Variants in HHLA2 observed in about 807,000 individuals in gnomAD.
The protein encoded by HHLA2 is HHLA2 member of B7 family.
HHLA2 carries 48 observed loss-of-function variants against 45.9 expected under a neutral mutation model. The observed-to-expected ratio is 1.05, with a 90% CI of 0.83 to 1.33. The LOEUF is 1.33. HHLA2 is among the 40% of genes most tolerant of loss of function. HHLA2 has a pLI of 0.00. For synonymous variants in HHLA2, 161 were observed against 173.9 expected, an observed-to-expected ratio of 0.93 and a Z score of 0.59; for missense variants, 462 against 494.3, an observed-to-expected ratio of 0.93 and a Z score of 0.62.
chr3:108,329,945 G>A (rs928729774), intron 3 of HHLA2, among the ~76,000 whole-genome samples: 12 of 152,084 alleles, frequency 7.9e-5, no homozygotes, highest in African/African-American at 2.9e-4. Flanking sequence ...TCTGACTCAG[G>A]GTCTTTAATG....
At chr3:108,320,814 C>T (rs576137878) in intron 2 of HHLA2, among the ~76,000 whole-genome samples, 12 of 151,972 alleles carry the variant, frequency 7.9e-5, no homozygotes, top group Non-Finnish European at 1.6e-4. Flanking sequence ...CCATGAAGCT[C>T]ACCACAGTCC....
intron 2 of HHLA2, among the ~76,000 whole-genome samples, chr3:108,317,755 A>G (rs1323401338): frequency 6.6e-6 from 1 of 151,834 alleles, no homozygotes; most frequent in Admixed American, 6.6e-5. Context: ...TTGTATTTTT[A>G]GTAGAGACAA....
chr3:108,311,777 C>T (rs2081022017), intron 2 of HHLA2: 2 of 152,036 alleles, frequency 1.3e-5, no homozygotes, highest in Admixed American at 6.6e-5. Context: ...TGTCTATGTC[C>T]CCAAACTAGT....
intron 2 of HHLA2, among the ~76,000 whole-genome samples, chr3:108,320,819 C>T (rs1234899428): frequency 6.6e-6 from 1 of 152,068 alleles, no homozygotes; most frequent in Non-Finnish European, 1.5e-5. Context: ...AAGCTCACCA[C>T]AGTCCATACA....
At chr3:108,354,556 T>C (rs2081849090) in intron 5 of HHLA2, among the ~76,000 whole-genome samples, 1 of 152,030 alleles carries the variant, frequency 6.6e-6, no homozygotes, top group South Asian at 2.1e-4. Context: ...TTATATGCAA[T>C]ATAGTTAGTA....
At chr3:108,342,017 C>T (rs189037005) in intron 3 of HHLA2, among the ~76,000 whole-genome samples, 50 of 152,272 alleles carry the variant, frequency 3.3e-4, no homozygotes, top group Admixed American at 2.6e-4. Context: ...CATCCCAAGC[C>T]GGACATGCTC....
chr3:108,325,748 C>T (rs970617499), intron 2 of HHLA2: 2 of 254,048 alleles, frequency 7.9e-6, no homozygotes, highest in African/African-American at 2.3e-5. Flanking sequence ...GCCACCATAT[C>T]TACGATCACC....
At chr3:108,367,157 T>A (rs2082078621) in intron 8 of HHLA2, among the ~76,000 whole-genome samples, 1 of 151,994 alleles carries the variant, frequency 6.6e-6, no homozygotes, top group Admixed American at 6.6e-5. Flanking sequence ...AGCAGTAACA[T>A]CAACATCAAC....
chr3:108,312,247 G>A (rs1471093), intron 2 of HHLA2, among the ~76,000 whole-genome samples: 85,313 of 152,118 alleles, frequency 0.56, 24,528 homozygotes, highest in Middle Eastern at 0.66. Flanking sequence ...GCTAATTTCT[G>A]GATTGCCTCA....
chr3:108,319,438 C>G (rs1360610053), intron 2 of HHLA2, among the ~76,000 whole-genome samples: 1 of 152,188 alleles, frequency 6.6e-6, no homozygotes, highest in African/African-American at 2.4e-5. Flanking sequence ...AGCTCCTTCT[C>G]CTTGTCCTTC....
At chr3:108,316,184 C>G (rs770941940) in intron 2 of HHLA2, among the ~76,000 whole-genome samples, 10 of 151,796 alleles carry the variant, frequency 6.6e-5, no homozygotes, top group Non-Finnish European at 1.0e-4. Flanking sequence ...AATCCTGTGT[C>G]TAAGATTCTT....
chr3:108,360,422 G>A (rs1483770830), intron 7 of HHLA2, among the ~76,000 whole-genome samples: 1 of 152,122 alleles, frequency 6.6e-6, no homozygotes, highest in South Asian at 2.1e-4. Context: ...TTTTTCATAA[G>A]TCAAGGGCTT....
At chr3:108,350,180 A>G (rs1445127032) in intron 3 of HHLA2, among the ~76,000 whole-genome samples, 2 of 152,212 alleles carry the variant, frequency 1.3e-5, no homozygotes, top group Admixed American at 6.5e-5. Context: ...AGGAAGAAAT[A>G]TAAAGGTCTC....
At chr3:108,320,604 A>AGT (rs932085869) in intron 2 of HHLA2, among the ~76,000 whole-genome samples, 3 of 152,078 alleles carry the variant, frequency 2.0e-5, no homozygotes, top group Admixed American at 6.6e-5. Flanking sequence ...TAAATGATAG[A>AGT]GTGTGTGTGT....
At chr3:108,349,689 A>G (rs1003336789) in intron 3 of HHLA2, among the ~76,000 whole-genome samples, 1 of 152,222 alleles carries the variant, frequency 6.6e-6, no homozygotes, top group African/African-American at 2.4e-5. Context: ...TGCAGAGTAC[A>G]GTGAAGGGTT....
At chr3:108,345,204 A>G (rs1026292295) in intron 3 of HHLA2, among the ~76,000 whole-genome samples, 1 of 152,224 alleles carries the variant, frequency 6.6e-6, no homozygotes, top group Admixed American at 6.5e-5. Flanking sequence ...CCTGAACCCA[A>G]GGGAGCTCTG....
At chr3:108,367,460 T>C (rs182917552) in intron 8 of HHLA2, among the ~76,000 whole-genome samples, 1 of 152,028 alleles carries the variant, frequency 6.6e-6, no homozygotes, top group African/African-American at 2.4e-5. Flanking sequence ...AGAACCTTGA[T>C]AAAAGGTTAC....
At chr3:108,341,539 T>C (rs141911097) in intron 3 of HHLA2, among the ~76,000 whole-genome samples, 299 of 152,310 alleles carry the variant, frequency 2.0e-3, no homozygotes, top group Middle Eastern at 3.4e-3. Flanking sequence ...TGTTAAAATA[T>C]AACACATCTT....
chr3:108,376,026 T>C (rs1332650643), intron 9 of HHLA2, among the ~76,000 whole-genome samples: 1 of 152,252 alleles, frequency 6.6e-6, no homozygotes, highest in Non-Finnish European at 1.5e-5. Flanking sequence ...GTGGTTCATA[T>C]GTTTTATTTT....
Sources: allele counts gnomAD v4.1 joint callset (sites outside exome capture counted in the v4.1 genomes callset), GRCh38; gene constraint gnomAD v4.1.1; transcripts MANE v1.5; gene names NCBI Gene and HGNC (gene_info 2026-07-23, HGNC 2026-07-21).